Variants in MARK3 observed in about 807,000 individuals in gnomAD.
MARK3 encodes the protein MAP/microtubule affinity-regulating kinase 3.
In MARK3, 46 loss-of-function variants were observed where a neutral mutation model predicts 90.1. The ratio of observed to expected loss-of-function variants is 0.51; its 90% CI spans 0.40 to 0.65. The LOEUF is 0.65. Among genes scored for constraint, MARK3 ranks in the 30% least tolerant of loss-of-function variants. The probability of loss-of-function intolerance (pLI) is 0.00; values close to 1 mark genes in which losing one functional copy is unlikely to be tolerated. For synonymous variants in MARK3, 321 were observed against 332.6 expected (o/e 0.97, Z 0.38); for missense variants, 818 against 947.2 (o/e 0.86, Z 1.79).
chr14:103,414,955 C>T (rs1416335824), intron 2 of MARK3, among the ~76,000 whole-genome samples: 1 of 150,202 alleles, frequency 6.7e-6, no homozygotes, highest in East Asian at 1.9e-4. Flanking sequence ...AGTTTGGGAC[C>T]AGCCTGGCCA....
At chr14:103,484,901 CAG>C (rs2093895695) in intron 14 of MARK3, among the ~76,000 whole-genome samples, 2 of 144,398 alleles carry the variant, frequency 1.4e-5, no homozygotes, top group South Asian at 4.4e-4. Flanking sequence ...AGCCTGGCAA[CAG>C]AGCAAGACTC....
intron 13 of MARK3, among the ~76,000 whole-genome samples, chr14:103,477,237 A>G (rs1374147471): frequency 2.6e-5 from 4 of 152,216 alleles, no homozygotes; most frequent in African/African-American, 9.7e-5. Flanking sequence ...CACACCCGTA[A>G]TCCCTGCACT....
At chr14:103,397,429 C>T (rs1394402494) in intron 1 of MARK3, among the ~76,000 whole-genome samples, 3 of 150,134 alleles carry the variant, frequency 2.0e-5, no homozygotes, top group African/African-American at 7.3e-5. Flanking sequence ...CAGGTTCAAA[C>T]GATTCTCCTG....
rs2093799948 is a variant in MARK3, at chr14:103,480,393, ACAG to A, written c.1492_1494del (p.Ala498del). On this transcript the variant is annotated inframe_deletion, in exon 14 of 18. Transcript: ENST00000429436. ...AAAATGCCCTTTTTTATAGAGTAAC[ACAG>A]CATCTGGTGGAATGACACGACGAAA... 6.2e-7 allele frequency: 1 copy of A among 1,608,058 alleles called. No individual in the cohort carries two copies. The highest frequency in any genetic ancestry group is 8.5e-7 in the Non-Finnish European group (1 of 1,174,992).
intron 5 of MARK3, among the ~76,000 whole-genome samples, chr14:103,454,205 G>A (rs1398901212): frequency 6.6e-6 from 1 of 151,892 alleles, no homozygotes; most frequent in African/African-American, 2.4e-5. Flanking sequence ...CATTGTAAGA[G>A]CCTTTAATCA....
intron 3 of MARK3, among the ~76,000 whole-genome samples, chr14:103,436,443 A>G (rs965061399): frequency 8.8e-6 from 1 of 114,042 alleles, no homozygotes; most frequent in African/African-American, 3.4e-5. Flanking sequence ...TTTCTCTTTC[A>G]TTTTCTTATA....
intron 2 of MARK3, among the ~76,000 whole-genome samples, chr14:103,407,552 C>CTTTTTT (rs2091379143): frequency 1.4e-5 from 1 of 72,306 alleles, no homozygotes; most frequent in African/African-American, 5.3e-5. Context: ...CCTGTTTTGC[C>CTTTTTT]TCTTTTTTTT....
rs749975782 is a variant in MARK3, at chr14:103,502,897, T to C, written c.1932T>C (p.Ala644=). The C allele has an allele frequency of 9.9e-6, 16 of 1,611,340 alleles. No homozygotes were observed. Among genetic ancestry groups the C allele is most frequent in the Non-Finnish European group, 1.2e-5 (14 of 1,177,800 alleles). The change falls in exon 18 of 18, where the codon GCT becomes GCC. Residue 644 remains alanine (A), a synonymous_variant. Transcript: ENST00000429436. ...RYEGSSRNVS[A]EQKDENKEAK... Reference sequence around the variant, plus strand: ...TGCATTTCAGTCGCAATGTATCTGCTGAGCAAAAAGATGAAAACAAAGAAG... The same window carrying C: ...TGCATTTCAGTCGCAATGTATCTGCCGAGCAAAAAGATGAAAACAAAGAAG...
At chr14:103,489,455 A>G (rs35344594) in intron 14 of MARK3, 43,041 of 152,160 alleles carry the variant, frequency 0.28, 7,256 homozygotes, top group Non-Finnish European at 0.36. Context: ...ATGAGTGACA[A>G]GATCTGGTTT....
chr14:103,495,760 G>A (rs1016008099), intron 15 of MARK3, among the ~76,000 whole-genome samples: 7 of 151,816 alleles, frequency 4.6e-5, no homozygotes, highest in Non-Finnish European at 7.4e-5. Flanking sequence ...ACTGAGGTCT[G>A]TTGTCTCCCT....
chr14:103,412,264 G>A, intron 2 of MARK3: 2 of 691,980 alleles, frequency 2.9e-6, no homozygotes, highest in South Asian at 1.7e-5. Context: ...TCTTCACGTG[G>A]CCAACAGCCA....
rs770282355 is a variant in MARK3, at chr14:103,480,453, G to T, written c.1549G>T (p.Asp517Tyr). ...TGTTTGCAGTGAGAGAACTACAGCT[G>T]ATAGACACTCAGTGATTCAGAATGG... ...TYVCSERTTA[D>Y]RHSVIQNGKE... Residue 517 changes from aspartate (D) to tyrosine (Y), a missense_variant, in exon 14 of 18, where the codon GAT becomes TAT. This residue lies in a region of MARK3 where 560 missense variants were observed against 613.5 expected (regional missense o/e 0.91). Coordinates refer to ENST00000429436, the MANE Select transcript of MARK3 (RefSeq NM_001128918.3). 2 of 1,613,126 alleles carry T rather than the reference G, an allele frequency of 1.2e-6. No homozygotes were observed. Among genetic ancestry groups the T allele is most frequent in the East Asian group, 2.2e-5 (1 of 44,856 alleles).
rs750133409 is a variant in MARK3, at chr14:103,475,196, T to C, written c.1468T>C (p.Ser490Pro). Residue 490 changes from serine (S) to proline (P), a missense_variant, in exon 13 of 18, where the codon TCC (serine) becomes CCC (proline). Physicochemically the swap from Ser to Pro is moderately conservative, Grantham distance 74. Transcript: ENST00000429436. Reference protein sequence around the residue: ...KADIPERKKSSTVPSSNTASG... With the variant: ...KADIPERKKSPTVPSSNTASG... Reference sequence around the variant, plus strand: ...GGATATTCCTGAACGCAAGAAAAGCTCCACTGTCCCTAGTGTAAGTGTTGT... The same window carrying C: ...GGATATTCCTGAACGCAAGAAAAGCCCCACTGTCCCTAGTGTAAGTGTTGT... The C allele has an allele frequency of 1.2e-6, 2 of 1,613,130 alleles. No homozygotes were observed. Among genetic ancestry groups the C allele is most frequent in the South Asian group, 1.1e-5 (1 of 91,020 alleles).
chr14:103,480,337 T>G, intron 13 of MARK3, 50 bp from the exon 14 acceptor site: 1 of 1,076,138 alleles, frequency 9.3e-7, no homozygotes, highest in Non-Finnish European at 1.4e-6. Flanking sequence ...TTTTTCTCAT[T>G]GTACTGTATT....
At chr14:103,412,715 TC>T (rs2091724553) in intron 2 of MARK3, 3 of 594,140 alleles carry the variant, frequency 5.0e-6, no homozygotes, top group South Asian at 4.5e-5. Flanking sequence ...GTGCAGGACT[TC>T]CTGCACCGCC....
At chr14:103,452,469 G>GTTTTTTTTTTT (rs1404035040) in intron 5 of MARK3, among the ~76,000 whole-genome samples, 1 of 84,184 alleles carries the variant, frequency 1.2e-5, no homozygotes, top group Non-Finnish European at 3.2e-5. Flanking sequence ...TACAGGATTT[G>GTTTTTTTTTTT]TCTTTTTTTT....
intron 1 of MARK3, among the ~76,000 whole-genome samples, chr14:103,402,603 G>C (rs190032938): frequency 6.6e-6 from 1 of 152,156 alleles, no homozygotes; most frequent in Admixed American, 6.5e-5. Context: ...AAGGCAGTTG[G>C]TTTGCATGAA....
intron 13 of MARK3, among the ~76,000 whole-genome samples, 192 bp downstream of exon 13, chr14:103,475,402 C>A (rs187343750): frequency 2.0e-5 from 3 of 152,262 alleles, no homozygotes; most frequent in African/African-American, 7.2e-5. Context: ...TCTCTTAGTT[C>A]ATTCTTGCTG....
intron 2 of MARK3, among the ~76,000 whole-genome samples, chr14:103,413,359 C>G (rs2091769885): frequency 6.6e-6 from 1 of 150,416 alleles, no homozygotes; most frequent in African/African-American, 2.4e-5. Context: ...TAACTTCTTG[C>G]ATTTGGGAAA....
Sources: allele counts gnomAD v4.1 joint callset (sites outside exome capture counted in the v4.1 genomes callset), GRCh38; gene constraint gnomAD v4.1.1; regional missense constraint gnomAD v4.1.1; transcripts MANE v1.5; gene names NCBI Gene and HGNC (gene_info 2026-07-23, HGNC 2026-07-21).